The following ERBB4 variants were observed in gnomAD, a reference collection of about 807,000 sequenced individuals.
ERBB4 encodes the protein receptor tyrosine-protein kinase erbB-4.
Under a neutral mutation model 158.0 loss-of-function variants are expected in ERBB4, and 42 were observed. That is an observed-to-expected ratio of 0.27 (90% CI 0.21 to 0.34). ERBB4 has a LOEUF of 0.34. ERBB4 is among the 10% of genes least tolerant of loss of function. ERBB4 has a pLI of 1.00. For missense variants in ERBB4, 1,333 were observed against 1,624.1 expected (o/e 0.82, Z 3.08); for synonymous variants, 583 against 558.7 (o/e 1.04, Z -0.61).
intron 20 of ERBB4, among the ~76,000 whole-genome samples, chr2:211,467,245 G>A (rs574645933): frequency 7.2e-5 from 11 of 152,176 alleles, no homozygotes; most frequent in African/African-American, 2.2e-4. Flanking sequence ...AGCGTTAATC[G>A]GAAAGCAAGA....
intron 5 of ERBB4, among the ~76,000 whole-genome samples, chr2:211,739,691 G>T (rs542078144): frequency 6.6e-6 from 1 of 152,276 alleles, no homozygotes; most frequent in African/African-American, 2.4e-5. Context: ...GGATGGTCTC[G>T]ATCTCTTGAC....
intron 1 of ERBB4, chr2:212,426,272 T>G (rs752844803): frequency 4.2e-6 from 2 of 481,698 alleles, no homozygotes; most frequent in Non-Finnish European, 8.3e-6. Context: ...CACTAAAATA[T>G]TAGGTTGGTG....
chr2:212,005,573 T>C (rs958371708), intron 2 of ERBB4, among the ~76,000 whole-genome samples: 1 of 152,136 alleles, frequency 6.6e-6, no homozygotes, highest in African/African-American at 2.4e-5. Flanking sequence ...AGATATGGAA[T>C]TTTGGGAGAG....
At chr2:211,677,707 T>C (rs2072138823) in intron 13 of ERBB4, among the ~76,000 whole-genome samples, 2 of 151,658 alleles carry the variant, frequency 1.3e-5, no homozygotes, top group South Asian at 4.2e-4. Flanking sequence ...ACCCCGTCTC[T>C]ACCAAAAATA....
chr2:211,743,040 CATTTAAATGGAGAGAAG>C (rs1178808376), intron 5 of ERBB4, among the ~76,000 whole-genome samples: 3 of 152,010 alleles, frequency 2.0e-5, no homozygotes, highest in Non-Finnish European at 4.4e-5. Context: ...TTAAATTAGA[CATTTAAATGGAGAGAAG>C]TGTATCTGTT....
intron 20 of ERBB4, among the ~76,000 whole-genome samples, chr2:211,560,130 A>G (rs1026434221): frequency 6.6e-6 from 1 of 152,084 alleles, no homozygotes; most frequent in African/African-American, 2.4e-5. Context: ...CAGGAAACTC[A>G]AAGTAGTTTC....
chr2:212,131,014 G>C (rs868519049), intron 1 of ERBB4, among the ~76,000 whole-genome samples: 1 of 152,148 alleles, frequency 6.6e-6, no homozygotes, highest in South Asian at 2.1e-4. Context: ...AAAAAATCTA[G>C]CATTGCAGTA....
rs1559419685 is a variant in ERBB4 at position 212,062,396 on chromosome 2, A to ATTTTTTTTTTTT, written c.234+62355_234+62356insAAAAAAAAAAAA. Among the ~76,000 whole-genome samples the ATTTTTTTTTTTT allele has an allele frequency of 5.6e-4, 54 of 96,528 alleles. 4 individuals are homozygous for ATTTTTTTTTTTT. The highest frequency in any genetic ancestry group is 8.0e-4 in the Non-Finnish European group (39 of 48,976). 63.3% of individuals were successfully genotyped at this position (96,528 alleles called of 152,430 possible). On this transcript the variant is annotated intron_variant, in intron 2 of 27. Transcript: ENST00000342788. ...CTCCTACTACTCTTCTCACTTGTCA[A>ATTTTTTTTTTTT]TTCTTTTTTTTTTTTTTTTTTTTTT...
chr2:211,612,209 G>T (rs2069226912), intron 19 of ERBB4, among the ~76,000 whole-genome samples: 1 of 148,056 alleles, frequency 6.8e-6, no homozygotes, highest in African/African-American at 2.4e-5. Flanking sequence ...AGGATGTAAA[G>T]GAGAATAATA....
chr2:211,790,914 T>G (rs2076265752), intron 3 of ERBB4, among the ~76,000 whole-genome samples: 1 of 151,972 alleles, frequency 6.6e-6, no homozygotes, highest in African/African-American at 2.4e-5. Flanking sequence ...TGTACAGTCT[T>G]ACACTTTCTT....
intron 25 of ERBB4, among the ~76,000 whole-genome samples, chr2:211,397,897 A>G (rs2062953934): frequency 6.6e-6 from 1 of 152,162 alleles, no homozygotes; most frequent in African/African-American, 2.4e-5. Flanking sequence ...ATTTAGTCTG[A>G]TGAATTCATT....
chr2:212,447,800 G>GTA (rs535692427), intron 1 of ERBB4, among the ~76,000 whole-genome samples: 103 of 151,822 alleles, frequency 6.8e-4, no homozygotes, highest in African/African-American at 2.3e-3. Flanking sequence ...GTGTGTGTGT[G>GTA]TGTGTGTATT....
intron 1 of ERBB4, among the ~76,000 whole-genome samples, chr2:212,168,448 C>G (rs1441165296): frequency 6.6e-6 from 1 of 152,052 alleles, no homozygotes; most frequent in African/African-American, 2.4e-5. Flanking sequence ...TGCATGCACT[C>G]TTTCTTCAAG....
intron 20 of ERBB4, among the ~76,000 whole-genome samples, chr2:211,475,452 T>C (rs1324637627): frequency 6.6e-6 from 1 of 152,012 alleles, no homozygotes; most frequent in African/African-American, 2.4e-5. Context: ...CCATAAGAAA[T>C]ACCTGATCAA....
rs2090228530 is a variant in ERBB4, at chr2:212,374,049, T to TATATATATCCATATATATCCATAC, written c.82+164399_82+164400insGTATGGATATATATGGATATATAT. On this transcript the variant is annotated intron_variant, in intron 1 of 27. Transcript: ENST00000342788. Reference sequence around the variant, plus strand: ...ATATATATATCCATATATATCCATATATATATATCCATATATATCCATATA... The same window carrying TATATATATCCATATATATCCATAC: ...ATATATATATCCATATATATCCATATATATATATCCATATATATCCATACATATATATCCATATATATCCATATA... Among the ~76,000 whole-genome samples, 4 of 121,642 alleles carry TATATATATCCATATATATCCATAC rather than the reference T, an allele frequency of 3.3e-5. 1 individual carries two copies. Among genetic ancestry groups the TATATATATCCATATATATCCATAC allele is most frequent in the Non-Finnish European group, 5.6e-5 (3 of 53,438 alleles). The allele number at this position is 121,642 out of a possible 152,430, so 79.8% of individuals were successfully genotyped here. A position where few individuals can be genotyped will look rare whatever the true frequency, so the allele number is the denominator to read the frequency against.
At chr2:211,857,698 T>C (rs1452509317) in intron 3 of ERBB4, among the ~76,000 whole-genome samples, 1 of 152,198 alleles carries the variant, frequency 6.6e-6, no homozygotes, top group African/African-American at 2.4e-5. Flanking sequence ...TTGAATACAA[T>C]TTACCTACCT....
At position 211,892,635 on chromosome 2, in the gene ERBB4, T is replaced by C. The variant is rs537565506; in HGVS notation, c.421+54795A>G. ...AAGTCAAATTGTCCCTGTTTGCAGA[T>C]GACGTGATTGTATATCTAGAAAACC... On this transcript the variant is annotated intron_variant, in intron 3 of 27. Transcript: ENST00000342788. Among the ~76,000 whole-genome samples the C allele has an allele frequency of 7.4e-3, 1,049 of 141,708 alleles. 150 individuals carry two copies. Among genetic ancestry groups the C allele is most frequent in the African/African-American group, 0.027 (964 of 35,822 alleles). The allele number at this position is 141,708 out of a possible 152,430, so 93.0% of individuals were successfully genotyped here. A position where few individuals can be genotyped will look rare whatever the true frequency, so the allele number is the denominator to read the frequency against.
intron 2 of ERBB4, among the ~76,000 whole-genome samples, chr2:212,049,407 T>C (rs1237585818): frequency 1.3e-5 from 2 of 152,286 alleles, no homozygotes; most frequent in Admixed American, 6.5e-5. Flanking sequence ...ATTGTTGCTA[T>C]TGGTGTGCAC....
chr2:211,515,912 A>ATTTTTTTTTTT (rs1553555083), intron 20 of ERBB4, among the ~76,000 whole-genome samples: 1 of 78,984 alleles, frequency 1.3e-5, no homozygotes, highest in African/African-American at 5.7e-5. Context: ...ATATATATAT[A>ATTTTTTTTTTT]TTTTTTTTTT....
Sources: gnomAD v4.1 joint callset for allele counts (sites outside exome capture counted in the v4.1 genomes callset) on GRCh38, gnomAD v4.1.1 for gene constraint, MANE v1.5 for transcripts, NCBI Gene and HGNC (gene_info 2026-07-23, HGNC 2026-07-21) for gene names.